Variants in ROBO1 observed in about 807,000 individuals in gnomAD.
ROBO1 encodes the protein roundabout homolog 1.
Under a neutral mutation model 195.9 loss-of-function variants are expected in ROBO1, and 149 were observed. That is an observed-to-expected ratio of 0.76 (90% CI 0.67 to 0.87). The LOEUF (loss-of-function observed/expected upper bound fraction) is 0.87, where lower values mean the gene tolerates loss of function less well. Ranked by LOEUF, ROBO1 falls within the 40% of genes least tolerant of loss-of-function variation. ROBO1 has a pLI of 0.00. For synonymous variants in ROBO1, 816 were observed against 733.2 expected (o/e 1.11, Z -1.82); for missense variants, 1,933 against 2,068.3 (o/e 0.93, Z 1.27).
intron 2 of ROBO1, among the ~76,000 whole-genome samples, chr3:79,499,349 A>G (rs1311660788): frequency 1.3e-5 from 2 of 152,214 alleles, no homozygotes; most frequent in Non-Finnish European, 2.9e-5. Flanking sequence ...GAAATTATAA[A>G]GTAATTAAAA....
intron 2 of ROBO1, among the ~76,000 whole-genome samples, chr3:79,494,262 G>A (rs897379090): frequency 5.3e-5 from 8 of 152,076 alleles, no homozygotes; most frequent in Non-Finnish European, 1.0e-4. Flanking sequence ...AATTCAGCAT[G>A]AGACTTATAG....
chr3:78,673,463 C>A (rs1708182458), intron 10 of ROBO1, among the ~76,000 whole-genome samples: 1 of 137,118 alleles, frequency 7.3e-6, no homozygotes, highest in African/African-American at 2.7e-5. Context: ...GTTACACTAC[C>A]TGTTATAAAA....
intron 2 of ROBO1, among the ~76,000 whole-genome samples, chr3:79,587,155 A>G (rs1335347602): frequency 6.6e-6 from 1 of 151,726 alleles, no homozygotes; most frequent in African/African-American, 2.4e-5. Context: ...TATACCAACC[A>G]TTTCATTTGC....
chr3:79,365,408 G>C (rs1429455882), intron 2 of ROBO1, among the ~76,000 whole-genome samples: 1 of 152,106 alleles, frequency 6.6e-6, no homozygotes, highest in Non-Finnish European at 1.5e-5. Context: ...TTCTATCATA[G>C]CCCCATGGGA....
chr3:78,793,457 C>T, intron 4 of ROBO1, among the ~76,000 whole-genome samples: 1 of 152,148 alleles, frequency 6.6e-6, no homozygotes, highest in Non-Finnish European at 1.5e-5. Flanking sequence ...CTTAGCCTTA[C>T]AAGAATAATC....
chr3:79,176,585 G>A (rs929302522), intron 2 of ROBO1, among the ~76,000 whole-genome samples: 1 of 152,092 alleles, frequency 6.6e-6, no homozygotes, highest in Non-Finnish European at 1.5e-5. Context: ...AGCCTCCCAA[G>A]TAGCTGGGAC....
intron 2 of ROBO1, among the ~76,000 whole-genome samples, chr3:79,578,885 T>C (rs146717106): frequency 5.3e-5 from 8 of 152,346 alleles, no homozygotes; most frequent in African/African-American, 1.9e-4. Flanking sequence ...TTTCATTATG[T>C]TTGCCACGTT....
intron 2 of ROBO1, among the ~76,000 whole-genome samples, chr3:79,434,572 G>A (rs371873280): frequency 3.0e-4 from 45 of 151,942 alleles, no homozygotes; most frequent in African/African-American, 8.7e-4. Context: ...AAACAGTGCC[G>A]GAGAGGATGT....
chr3:79,591,186 G>C (rs1293337642), intron 1 of ROBO1, among the ~76,000 whole-genome samples: 1 of 151,648 alleles, frequency 6.6e-6, no homozygotes, highest in Non-Finnish European at 1.5e-5. Flanking sequence ...TATATAAAAA[G>C]TAATTTGTCC....
chr3:79,081,144 A>G lies in ROBO1; in HGVS notation c.172+44312T>C, dbSNP rs368719268. On this transcript the variant is annotated intron_variant, in intron 3 of 30. Coordinates refer to ENST00000464233, the MANE Select transcript of ROBO1 (RefSeq NM_002941.4). ...AAATAGCCATATACTACCCTGTAAT[A>G]GAGCTTTTAAATGACACATTTTTTT... 1.7e-3 allele frequency among the ~76,000 whole-genome samples: 253 copies of G among 152,224 alleles called. 1 individual carries two copies. Among genetic ancestry groups the G allele is most frequent in the African/African-American group, 5.8e-3 (239 of 41,554 alleles).
intron 3 of ROBO1, among the ~76,000 whole-genome samples, chr3:78,941,129 C>T (rs9631526): frequency 0.097 from 14,804 of 152,056 alleles, 1,695 homozygotes; most frequent in African/African-American, 0.28. Context: ...CTATTATTTG[C>T]TCATGTCCAC....
chr3:79,611,034 G>A (rs2107920090), intron 1 of ROBO1, among the ~76,000 whole-genome samples: 1 of 152,146 alleles, frequency 6.6e-6, no homozygotes, highest in Non-Finnish European at 1.5e-5. Flanking sequence ...ATGAATGGAT[G>A]TACCATTTTG....
intron 2 of ROBO1, among the ~76,000 whole-genome samples, chr3:79,438,987 T>C (rs572182469): frequency 1.9e-4 from 29 of 152,160 alleles, no homozygotes; most frequent in African/African-American, 6.0e-4. Context: ...ACCACAATCT[T>C]TGGGAGCTTA....
chr3:78,874,328 T>C (rs1576325932), intron 4 of ROBO1, among the ~76,000 whole-genome samples: 1 of 151,882 alleles, frequency 6.6e-6, no homozygotes, highest in East Asian at 1.9e-4. Context: ...TTGTGAAAAA[T>C]GGTGAGGTAA....
intron 4 of ROBO1, among the ~76,000 whole-genome samples, chr3:78,936,267 T>C (rs2039802251): frequency 6.6e-6 from 1 of 152,050 alleles, no homozygotes; most frequent in Admixed American, 6.6e-5. Flanking sequence ...CAGTTGTTGT[T>C]ACAGCTGTAA....
intron 10 of ROBO1, among the ~76,000 whole-genome samples, chr3:78,677,297 T>C (rs948506937): frequency 1.1e-4 from 17 of 152,168 alleles, no homozygotes; most frequent in African/African-American, 3.9e-4. Flanking sequence ...AACATCATAA[T>C]GACAAGATCA....
At chr3:79,045,196 G>T (rs2078567689) in intron 3 of ROBO1, among the ~76,000 whole-genome samples, 3 of 151,862 alleles carry the variant, frequency 2.0e-5, no homozygotes, top group Admixed American at 2.0e-4. Flanking sequence ...AGGAAAATTA[G>T]AATTACTATA....
intron 10 of ROBO1, among the ~76,000 whole-genome samples, chr3:78,679,869 G>A (rs541172853): frequency 2.2e-4 from 33 of 151,946 alleles, no homozygotes; most frequent in Admixed American, 1.3e-3. Flanking sequence ...AGCCCGCATC[G>A]CCAAGTCAAT....
intron 4 of ROBO1, among the ~76,000 whole-genome samples, chr3:78,761,068 C>T (rs534898026): frequency 4.7e-4 from 71 of 152,120 alleles, no homozygotes; most frequent in Non-Finnish European, 8.8e-4. Context: ...AATCAATAGT[C>T]TAACAGGAAT....
Sources: allele counts gnomAD v4.1 joint callset (sites outside exome capture counted in the v4.1 genomes callset), GRCh38; gene constraint gnomAD v4.1.1; transcripts MANE v1.5; gene names NCBI Gene and HGNC (gene_info 2026-07-23, HGNC 2026-07-21).